SLC24A2: variants seen among roughly 807,000 people sequenced by gnomAD.
SLC24A2 encodes sodium/potassium/calcium exchanger 2.
SLC24A2 carries 36 observed loss-of-function variants against 62.0 expected under a neutral mutation model. That is an observed-to-expected ratio of 0.58 (90% CI 0.44 to 0.77). The LOEUF (loss-of-function observed/expected upper bound fraction) is 0.77, where lower values mean the gene tolerates loss of function less well. SLC24A2 is among the 30% of genes least tolerant of loss of function. The pLI is 0.00. For synonymous variants in SLC24A2, 358 were observed against 294.0 expected, an observed-to-expected ratio of 1.22 and a Z score of -2.23; for missense variants, 846 against 817.9, an observed-to-expected ratio of 1.03 and a Z score of -0.42.
chr9:19,859,354 T>C, the SLC24A2 span, among the ~76,000 whole-genome samples: 1 of 151,970 alleles, frequency 6.6e-6, no homozygotes, highest in Non-Finnish European at 1.5e-5. Flanking sequence ...TGAGGGTGGA[T>C]GATGGGAAAA....
intron 2 of SLC24A2, among the ~76,000 whole-genome samples, chr9:19,661,246 A>G (rs1027848611): frequency 6.6e-6 from 1 of 151,308 alleles, no homozygotes; most frequent in East Asian, 1.9e-4. Context: ...TAATTCACCC[A>G]TGACTTATCT....
At chr9:19,838,360 A>G in the SLC24A2 span, among the ~76,000 whole-genome samples, 1 of 152,152 alleles carries the variant, frequency 6.6e-6, no homozygotes, top group Non-Finnish European at 1.5e-5. Context: ...AAAACTGGCT[A>G]GCCATATGGA....
the SLC24A2 span, among the ~76,000 whole-genome samples, chr9:20,241,824 A>T: frequency 6.6e-6 from 1 of 152,150 alleles, no homozygotes; most frequent in Non-Finnish European, 1.5e-5. Flanking sequence ...CTGAAGGAGC[A>T]GGAGGAGCAG....
At chr9:19,863,930 G>A in the SLC24A2 span, among the ~76,000 whole-genome samples, 3 of 151,734 alleles carry the variant, frequency 2.0e-5, no homozygotes, top group Non-Finnish European at 4.4e-5. Context: ...AAACAAAATT[G>A]ACAGACTTTA....
chr9:20,198,744 A>G, the SLC24A2 span, among the ~76,000 whole-genome samples: 1 of 151,018 alleles, frequency 6.6e-6, no homozygotes, highest in Non-Finnish European at 1.5e-5. Context: ...ATACCTAGAT[A>G]CTTAGTAGCC....
intron 2 of SLC24A2, among the ~76,000 whole-genome samples, chr9:19,720,333 T>C (rs1473911165): frequency 1.3e-5 from 2 of 152,166 alleles, no homozygotes; most frequent in Non-Finnish European, 1.5e-5. Flanking sequence ...ACCACACTGA[T>C]CTGGGGCTTT....
At chr9:20,074,067 G>A in the SLC24A2 span, among the ~76,000 whole-genome samples, 1 of 151,902 alleles carries the variant, frequency 6.6e-6, no homozygotes, top group Non-Finnish European at 1.5e-5. Flanking sequence ...GACAGTAGAA[G>A]CCTGGCATCA....
At chr9:19,995,976 G>C in the SLC24A2 span, among the ~76,000 whole-genome samples, 5 of 152,332 alleles carry the variant, frequency 3.3e-5, no homozygotes, top group Non-Finnish European at 7.3e-5. Context: ...AAAGTAAAGG[G>C]AAGGTTGGAA....
chr9:19,713,090 C>T (rs766590131), intron 2 of SLC24A2, among the ~76,000 whole-genome samples: 4 of 152,156 alleles, frequency 2.6e-5, no homozygotes, highest in South Asian at 4.1e-4. Flanking sequence ...TATTTTTCTT[C>T]CCAGTATTTA....
intron 2 of SLC24A2, among the ~76,000 whole-genome samples, chr9:19,714,949 T>C (rs999361381): frequency 6.6e-5 from 10 of 152,008 alleles, no homozygotes; most frequent in African/African-American, 2.4e-4. Flanking sequence ...AATGGAGAGA[T>C]GTAAGTCAAA....
chr9:20,062,533 A>G, the SLC24A2 span, among the ~76,000 whole-genome samples: 1 of 135,262 alleles, frequency 7.4e-6, no homozygotes, highest in African/African-American at 2.9e-5. Flanking sequence ...AAAACCATAA[A>G]AACCCTAGAA....
At chr9:19,678,271 A>G (rs2383113) in intron 2 of SLC24A2, among the ~76,000 whole-genome samples, 1 of 152,016 alleles carries the variant, frequency 6.6e-6, no homozygotes, top group African/African-American at 2.4e-5. Flanking sequence ...CCACCCAACA[A>G]TCTAGTTTGT....
the SLC24A2 span, among the ~76,000 whole-genome samples, chr9:19,896,457 C>T: frequency 1.3e-5 from 2 of 152,228 alleles, no homozygotes; most frequent in Admixed American, 6.5e-5. Context: ...AAAGAACACT[C>T]TTTGGGAGAC....
chr9:20,006,020 TATGTA>T, the SLC24A2 span, among the ~76,000 whole-genome samples: 1 of 151,848 alleles, frequency 6.6e-6, no homozygotes, highest in East Asian at 1.9e-4. Flanking sequence ...TATATATGCT[TATGTA>T]CACACAAACA....
chr9:20,106,877 G>A, the SLC24A2 span, among the ~76,000 whole-genome samples: 6 of 151,980 alleles, frequency 3.9e-5, no homozygotes, highest in Non-Finnish European at 5.9e-5. Context: ...GGAAATAAAG[G>A]GTATTCAATT....
chr9:19,635,625 G>A (rs558735971), intron 2 of SLC24A2, among the ~76,000 whole-genome samples: 217 of 152,206 alleles, frequency 1.4e-3, no homozygotes, highest in African/African-American at 5.1e-3. Flanking sequence ...TGCTTATATT[G>A]ACATTTCTCT....
chr9:20,115,290 C>A, the SLC24A2 span, among the ~76,000 whole-genome samples: 1 of 152,084 alleles, frequency 6.6e-6, no homozygotes, highest in East Asian at 1.9e-4. Flanking sequence ...TTAATTTCTT[C>A]TTTGGTGATG....
At chr9:19,546,735 G>GAA (rs796896456) in intron 8 of SLC24A2, among the ~76,000 whole-genome samples, 1 of 144,138 alleles carries the variant, frequency 6.9e-6, no homozygotes, top group Non-Finnish European at 1.5e-5. Flanking sequence ...TGAGGTATGG[G>GAA]AAAAAAAAAA....
At chr9:20,007,692 A>G in the SLC24A2 span, among the ~76,000 whole-genome samples, 1 of 152,004 alleles carries the variant, frequency 6.6e-6, no homozygotes, top group Non-Finnish European at 1.5e-5. Flanking sequence ...CCCTTTGGGC[A>G]TATTCCATTA....
Sources: allele counts gnomAD v4.1 joint callset (sites outside exome capture counted in the v4.1 genomes callset), GRCh38; gene constraint gnomAD v4.1.1; transcripts MANE v1.5; gene names NCBI Gene and HGNC (gene_info 2026-07-23, HGNC 2026-07-21).